FAM222A: variants seen among roughly 807,000 people sequenced by gnomAD.
The protein encoded by FAM222A is family with sequence similarity 222 member A.
FAM222A carries 7 observed loss-of-function variants against 25.8 expected under a neutral mutation model. The observed-to-expected ratio is 0.27, with a 90% CI of 0.15 to 0.51. The LOEUF is 0.51. Among genes scored for constraint, FAM222A ranks in the 20% least tolerant of loss-of-function variants. The pLI is 0.97. For missense variants in FAM222A, 573 were observed against 640.5 expected (o/e 0.89, Z 1.14); for synonymous variants, 294 against 298.8 (o/e 0.98, Z 0.17).
chr12:109,744,563 G>A (rs1400850765), intron 2 of FAM222A: 6 of 985,280 alleles, frequency 6.1e-6, no homozygotes, highest in East Asian at 1.1e-4. Flanking sequence ...CACCATTAAA[G>A]TAGGATGACG....
In FAM222A at chr12:109,727,252, G is replaced by A. The variant is rs373244519; in HGVS notation, c.-47+12355G>A. ...GCGGCCAGCAGAGTGGGGAGAGGGC[G>A]GTGCAGCCTGGCCGGCCAGGGACAA... On this transcript the variant is annotated intron_variant, in intron 1 of 2. Coordinates refer to ENST00000538780, the MANE Select transcript of FAM222A (RefSeq NM_032829.3). Among the ~76,000 whole-genome samples the A allele has an allele frequency of 1.7e-3, 254 of 152,236 alleles. 1 individual carries two copies. The highest frequency in any genetic ancestry group is 5.9e-3 in the African/African-American group (244 of 41,556).
intron 1 of FAM222A, among the ~76,000 whole-genome samples, chr12:109,732,767 C>A (rs1887978288): frequency 6.6e-6 from 1 of 152,244 alleles, no homozygotes; most frequent in Non-Finnish European, 1.5e-5. Context: ...CATTCCACTG[C>A]TACATCTCAT....
At chr12:109,763,444 G>A (rs527405291) in intron 2 of FAM222A, among the ~76,000 whole-genome samples, 1 of 152,348 alleles carries the variant, frequency 6.6e-6, no homozygotes, top group South Asian at 2.1e-4. Context: ...TCTGTCATGA[G>A]GTTGCAGTCA....
chr12:109,728,894 T>C (rs115163522), intron 1 of FAM222A, among the ~76,000 whole-genome samples: 1,521 of 151,856 alleles, frequency 0.01, 20 homozygotes, highest in Middle Eastern at 0.037. Context: ...TCTCTAAGAC[T>C]AACCGAACCC....
intron 2 of FAM222A, among the ~76,000 whole-genome samples, chr12:109,758,968 C>T (rs1888811239): frequency 6.6e-6 from 1 of 152,230 alleles, no homozygotes; most frequent in South Asian, 2.1e-4. Context: ...CTACTGTGTG[C>T]TTGCACACCT....
At chr12:109,734,514 C>T (rs1888032502) in intron 1 of FAM222A, 1 of 151,952 alleles carries the variant, frequency 6.6e-6, no homozygotes. Flanking sequence ...CAGCTGTTCC[C>T]TGTCATGTCG....
intron 1 of FAM222A, chr12:109,734,886 C>T (rs1199291202): frequency 6.6e-6 from 1 of 152,320 alleles, no homozygotes; most frequent in Non-Finnish European, 1.5e-5. Flanking sequence ...AAGCTGGAGA[C>T]TGACCCACAC....
intron 1 of FAM222A, among the ~76,000 whole-genome samples, chr12:109,725,708 G>A (rs749935341): frequency 2.0e-5 from 3 of 151,662 alleles, no homozygotes; most frequent in Non-Finnish European, 2.9e-5. Flanking sequence ...AGAAGGAAAC[G>A]TTTGCTTGAA....
intron 2 of FAM222A, among the ~76,000 whole-genome samples, chr12:109,766,072 T>A (rs1889041096): frequency 6.6e-6 from 1 of 152,314 alleles, no homozygotes; most frequent in African/African-American, 2.4e-5. Context: ...GCACCTATCA[T>A]GTACCTCACC....
In FAM222A at chr12:109,734,416, G is replaced by GGATCCGGCTCCA. The variant is rs1566187489; in HGVS notation, c.-46-9685_-46-9684insGATCCGGCTCCA. 4 of 151,654 alleles carry GGATCCGGCTCCA rather than the reference G, an allele frequency of 2.6e-5. No individual in the cohort carries two copies. The East Asian group carries it at 5.9e-4, about 22-fold the overall frequency. The allele number at this position is 151,654 out of a possible 1,614,324, so 9.4% of individuals were successfully genotyped here. A position where few individuals can be genotyped will look rare whatever the true frequency, so the allele number is the denominator to read the frequency against. ...AATTGGCTCCACCGGATCCGGCTCC[G>GGATCCGGCTCCA]CAGAAAGCTCACTGCTTCCTGTGGC... On this transcript the variant is annotated intron_variant, in intron 1 of 2. Coordinates refer to ENST00000538780, the MANE Select transcript of FAM222A (RefSeq NM_032829.3).
chr12:109,765,936 T>A (rs188713196), intron 2 of FAM222A, among the ~76,000 whole-genome samples: 17 of 152,250 alleles, frequency 1.1e-4, no homozygotes, highest in Admixed American at 1.1e-3. Flanking sequence ...ACATGACCCG[T>A]CAAACCCTCC....
chr12:109,746,151 T>G (rs1277727019), intron 2 of FAM222A, among the ~76,000 whole-genome samples: 1 of 152,202 alleles, frequency 6.6e-6, no homozygotes, highest in Non-Finnish European at 1.5e-5. Context: ...AGATTATTAT[T>G]TTTTAATTCC....
chr12:109,745,178 C>T (rs1274076297), intron 2 of FAM222A, among the ~76,000 whole-genome samples: 2 of 152,220 alleles, frequency 1.3e-5, no homozygotes, highest in African/African-American at 4.8e-5. Context: ...TCCTGGGTGT[C>T]CTTCCAGATG....
intron 1 of FAM222A, among the ~76,000 whole-genome samples, chr12:109,729,014 T>C (rs940476256): frequency 6.0e-5 from 9 of 148,912 alleles, no homozygotes; most frequent in African/African-American, 2.2e-4. Flanking sequence ...TACTGACAGG[T>C]CACATGGCTG....
chr12:109,724,766 G>C (rs1360517398), intron 1 of FAM222A, among the ~76,000 whole-genome samples: 2 of 152,056 alleles, frequency 1.3e-5, no homozygotes, highest in African/African-American at 2.4e-5. Context: ...GTGAGGTGGG[G>C]GTGAGGGTCC....
chr12:109,744,315 CCT>C (rs2136345525), intron 2 of FAM222A, 87 bp downstream of exon 2: 3 of 1,498,978 alleles, frequency 2.0e-6, no homozygotes, highest in Non-Finnish European at 2.7e-6. Context: ...CTACCATGGC[CCT>C]GTCGGAAAGT....
intron 1 of FAM222A, among the ~76,000 whole-genome samples, chr12:109,733,782 T>C (rs1247774020): frequency 6.6e-6 from 1 of 152,054 alleles, no homozygotes; most frequent in Non-Finnish European, 1.5e-5. Flanking sequence ...GCAAAGGCCC[T>C]GGGGTGGGGA....
intron 2 of FAM222A, among the ~76,000 whole-genome samples, chr12:109,756,391 G>GTTT (rs1888727070): frequency 1.3e-5 from 1 of 77,954 alleles, no homozygotes; most frequent in African/African-American, 5.6e-5. Flanking sequence ...TAATATGAAT[G>GTTT]CTTTTTTTTT....
intron 1 of FAM222A, among the ~76,000 whole-genome samples, chr12:109,724,983 A>G (rs1268525052): frequency 1.3e-5 from 2 of 152,122 alleles, no homozygotes; most frequent in Non-Finnish European, 2.9e-5. Context: ...CGTGCAATCT[A>G]TGGGAATGAT....
Sources: gnomAD v4.1 joint callset for allele counts (sites outside exome capture counted in the v4.1 genomes callset) on GRCh38, gnomAD v4.1.1 for gene constraint, MANE v1.5 for transcripts, NCBI Gene and HGNC (gene_info 2026-07-23, HGNC 2026-07-21) for gene names.